Variants in RBM6 observed in about 807,000 individuals in gnomAD.
RBM6 encodes RNA binding motif protein 6.
Under a neutral mutation model 140.4 loss-of-function variants are expected in RBM6, and 23 were observed. That is an observed-to-expected ratio of 0.16 (90% CI 0.12 to 0.23). RBM6 has a LOEUF of 0.23. RBM6 is among the 10% of genes least tolerant of loss of function. RBM6 has a pLI of 1.00. For missense variants in RBM6, 1,139 were observed against 1,386.7 expected, an observed-to-expected ratio of 0.82 and a Z score of 2.84; for synonymous variants, 439 against 475.6, an observed-to-expected ratio of 0.92 and a Z score of 1.00.
At chr3:50,044,124 C>T (rs553481119) in intron 6 of RBM6, among the ~76,000 whole-genome samples, 9 of 151,876 alleles carry the variant, frequency 5.9e-5, no homozygotes, top group Non-Finnish European at 8.8e-5. Context: ...GCAGTCCACC[C>T]GCCTCGGCCT....
intron 6 of RBM6, among the ~76,000 whole-genome samples, chr3:50,017,575 A>G (rs1216493005): frequency 6.6e-6 from 1 of 151,884 alleles, no homozygotes; most frequent in Non-Finnish European, 1.5e-5. Context: ...AAAAAAAGAA[A>G]AAGAAAAAAA....
In RBM6 at chr3:49,975,391, A is replaced by C; in HGVS notation, c.1482A>C (p.Thr494=). Residue 494 remains threonine, a splice_region_variant and synonymous_variant, in exon 5 of 21, where the codon ACA becomes ACC. Coordinates refer to ENST00000266022, the MANE Select transcript of RBM6 (RefSeq NM_005777.3). ...VKNLQLKEYN[T]GYDYGYVCVE... is the part of the protein sequence containing the mutation. ...ACTTGCAGTTGAAGGAGTATAACAC[A>C]GGTGAGTTTCTTGACTTGCATATGG... The C allele has an allele frequency of 6.2e-7, 1 of 1,611,384 alleles. No individual in the cohort carries two copies. Among genetic ancestry groups the C allele is most frequent in the Non-Finnish European group, 8.5e-7 (1 of 1,177,532 alleles).
intron 15 of RBM6, among the ~76,000 whole-genome samples, chr3:50,062,502 C>CA (rs750652866): frequency 0.094 from 11,331 of 120,906 alleles, 631 homozygotes; most frequent in Non-Finnish European, 0.14. Flanking sequence ...GACTCTGTAT[C>CA]AAAAAAAAAA....
At chr3:50,044,457 G>T (rs2089117921) in intron 6 of RBM6, among the ~76,000 whole-genome samples, 1 of 151,622 alleles carries the variant, frequency 6.6e-6, no homozygotes, top group South Asian at 2.1e-4. Flanking sequence ...CCCCATCTCT[G>T]CTAAAATACA....
intron 4 of RBM6, among the ~76,000 whole-genome samples, chr3:49,974,301 C>T (rs570989276): frequency 6.6e-6 from 1 of 152,052 alleles, no homozygotes; most frequent in Non-Finnish European, 1.5e-5. Context: ...CTCACTACAG[C>T]CTCAAACTCC....
chr3:50,077,084 G>A lies in RBM6; in HGVS notation c.3323G>A (p.Arg1108Gln), dbSNP rs2090486352. The A allele has an allele frequency of 6.2e-7, 1 of 1,613,182 alleles. No individual in the cohort carries two copies. The highest frequency in any genetic ancestry group is 1.1e-5 in the South Asian group (1 of 91,000). ...TSKRQSNETY[R>Q]DAVRRVMFAR... Reference sequence around the variant, plus strand: ...AAAAGACAGTCCAACGAGACTTACCGAGATGCTGTTCGAAGAGTCATGTTT... The same window carrying A: ...AAAAGACAGTCCAACGAGACTTACCAAGATGCTGTTCGAAGAGTCATGTTT... Residue 1108 changes from arginine to glutamine, a missense_variant, in exon 21 of 21, where the codon CGA becomes CAA. Physicochemically the swap from Arg to Gln is conservative, Grantham distance 43. Transcript: ENST00000266022.
intron 5 of RBM6, among the ~76,000 whole-genome samples, chr3:49,977,962 AAG>A (rs1025436802): frequency 4.6e-5 from 7 of 152,172 alleles, no homozygotes; most frequent in African/African-American, 2.4e-5. Flanking sequence ...TAAAAAGAAA[AAG>A]AAAAAAAAAT....
intron 17 of RBM6, among the ~76,000 whole-genome samples, chr3:50,067,186 CAAAAAAA>C (rs751552449): frequency 0.01 from 196 of 19,564 alleles, 1 homozygote; most frequent in African/African-American, 0.029. Context: ...GACTCTATCT[CAAAAAAA>C]AAAAAAAAAA....
intron 5 of RBM6, among the ~76,000 whole-genome samples, chr3:49,987,525 C>T (rs997014751): frequency 1.3e-5 from 2 of 151,924 alleles, no homozygotes; most frequent in African/African-American, 4.8e-5. Flanking sequence ...CCATGTTGGC[C>T]AGGCAGGTCT....
In RBM6 at chr3:49,967,106, ATTC is replaced by A; in HGVS notation, c.45-361_45-359del. The A allele has an allele frequency of 2.0e-6, 1 of 494,734 alleles. No individual in the cohort carries two copies. The highest frequency in any genetic ancestry group is 2.7e-6 in the Non-Finnish European group (1 of 367,966). 30.6% of individuals were successfully genotyped at this position (494,734 alleles called of 1,614,324 possible). On this transcript the variant is annotated intron_variant, in intron 2 of 20. Transcript: ENST00000266022. This position sits in a 1 kb window ranked among gnomAD's most constrained non-coding sequence, Gnocchi z 4.0. ...TAGGAATCGTCATGTTGACCTTGGA[ATTC>A]TTAAGTTCCCTGGCTGTAGGAAATG...
Position 50,043,591 on chromosome 3 carries a change from C to T in RBM6, c.1558-4654C>T, listed in dbSNP as rs559806531. On this transcript the variant is annotated intron_variant, in intron 6 of 20. Coordinates refer to ENST00000266022, the MANE Select transcript of RBM6 (RefSeq NM_005777.3). The stretch of plus-strand genomic sequence containing the variant: ...ACACACATATATATATATGGCCCCT[C>T]TTTTTTTATTTGAGTCGGAATCTGG... Among the ~76,000 whole-genome samples, 18 of 151,472 alleles carry T rather than the reference C, an allele frequency of 1.2e-4. No homozygotes were observed. The East Asian group carries it at 2.3e-3, about 20-fold the overall frequency.
intron 6 of RBM6, among the ~76,000 whole-genome samples, chr3:50,010,978 CAG>C (rs2086819354): frequency 7.1e-6 from 1 of 140,374 alleles, no homozygotes; most frequent in African/African-American, 2.7e-5. Flanking sequence ...AAATAAAGTA[CAG>C]ATTCATTTAC....
chr3:49,956,981 T>A (rs1184141456), intron 1 of RBM6, among the ~76,000 whole-genome samples: 1 of 152,136 alleles, frequency 6.6e-6, no homozygotes, highest in African/African-American at 2.4e-5. Flanking sequence ...TTTAATTTTT[T>A]ATTTATTTTT....
chr3:49,961,815 G>T (rs890944885), intron 1 of RBM6, among the ~76,000 whole-genome samples: 7 of 147,302 alleles, frequency 4.8e-5, no homozygotes, highest in Admixed American at 1.4e-4. Flanking sequence ...AAAAAAAAAA[G>T]TATTTTTCTT....
At chr3:49,963,912 T>G (rs77033961) in intron 2 of RBM6, among the ~76,000 whole-genome samples, 10,624 of 152,144 alleles carry the variant, frequency 0.07, 386 homozygotes, top group Non-Finnish European at 0.077. Flanking sequence ...TTTTTTTACC[T>G]TTTTTCAAAA....
At chr3:49,975,800 A>G (rs781085989) in intron 5 of RBM6, among the ~76,000 whole-genome samples, 7 of 152,164 alleles carry the variant, frequency 4.6e-5, no homozygotes, top group Non-Finnish European at 7.3e-5. Flanking sequence ...TCCCAGAGAA[A>G]TTGTACAAAT....
At chr3:50,027,584 A>T (rs779070968) in intron 6 of RBM6, among the ~76,000 whole-genome samples, 2 of 152,206 alleles carry the variant, frequency 1.3e-5, no homozygotes, top group Non-Finnish European at 2.9e-5. Context: ...ATATAAATGG[A>T]ATCATATACC....
At chr3:50,023,358 T>C (rs971181082) in intron 6 of RBM6, among the ~76,000 whole-genome samples, 6 of 152,060 alleles carry the variant, frequency 3.9e-5, no homozygotes, top group Admixed American at 2.6e-4. Flanking sequence ...CAGGCTGGAG[T>C]ACAGTGGCGC....
intron 2 of RBM6, among the ~76,000 whole-genome samples, chr3:49,963,557 A>G (rs1464792229): frequency 6.6e-6 from 1 of 152,210 alleles, no homozygotes; most frequent in Non-Finnish European, 1.5e-5. Context: ...TAGAATTCAG[A>G]GCTGTGCCTT....
Sources: allele counts gnomAD v4.1 joint callset (sites outside exome capture counted in the v4.1 genomes callset), GRCh38; gene constraint gnomAD v4.1.1; non-coding constraint Gnocchi (gnomAD v3.1); transcripts MANE v1.5; gene names NCBI Gene and HGNC (gene_info 2026-07-23, HGNC 2026-07-21).